Variants in DYNC2LI1 observed in about 807,000 individuals in gnomAD.
DYNC2LI1 encodes dynein cytoplasmic 2 light intermediate chain 1.
Under a neutral mutation model 51.9 loss-of-function variants are expected in DYNC2LI1, and 45 were observed. The ratio of observed to expected loss-of-function variants is 0.87; its 90% CI spans 0.68 to 1.11. The LOEUF is 1.11. DYNC2LI1 is among the 50% of genes most tolerant of loss of function. DYNC2LI1 has a pLI of 0.00. For missense variants in DYNC2LI1, 490 were observed against 417.4 expected (o/e 1.17, Z -1.51); for synonymous variants, 130 against 137.8 (o/e 0.94, Z 0.40).
At chr2:43,813,595 C>G (rs563519234), downstream of DYNC2LI1, among the ~76,000 whole-genome samples, 1 of 147,952 alleles carries the variant, frequency 6.8e-6, no homozygotes, top group South Asian at 2.2e-4. Flanking sequence ...GACATTATCA[C>G]TTAAAATTAT....
At chr2:43,783,335 G>A (rs557429046) in intron 2 of DYNC2LI1, among the ~76,000 whole-genome samples, 185 bp from the exon 3 acceptor site, 1 of 152,136 alleles carries the variant, frequency 6.6e-6, no homozygotes, top group Non-Finnish European at 1.5e-5. Flanking sequence ...GTGATGGAAA[G>A]TTGACAGTTA....
chr2:43,827,863 G>A, the DYNC2LI1 span: 1 of 1,478,496 alleles, frequency 6.8e-7, no homozygotes, highest in Non-Finnish European at 9.1e-7. Context: ...AAAAACCTGT[G>A]ATTTCAGTTG....
chr2:43,787,402 G>T, intron 4 of DYNC2LI1, 152 bp downstream of exon 4: 1 of 616,128 alleles, frequency 1.6e-6, no homozygotes, highest in Non-Finnish European at 2.7e-6. Flanking sequence ...AATGCAGTGT[G>T]GCAGATAGAA....
At chr2:43,776,438 A>G (rs1357005145) in intron 1 of DYNC2LI1, among the ~76,000 whole-genome samples, 1 of 152,186 alleles carries the variant, frequency 6.6e-6, no homozygotes, top group Non-Finnish European at 1.5e-5. Flanking sequence ...GTGGTTTTCA[A>G]GTTGTACATT....
chr2:43,797,180 G>C (rs1486378453), intron 8 of DYNC2LI1, among the ~76,000 whole-genome samples: 4 of 152,160 alleles, frequency 2.6e-5, no homozygotes, highest in Admixed American at 1.3e-4. Flanking sequence ...CTTTAAAAAA[G>C]TGCTGTTTGT....
chr2:43,789,678 T>A lies in DYNC2LI1; in HGVS notation c.277T>A (p.Leu93Ile). The A allele has an allele frequency of 6.2e-7, 1 of 1,613,868 alleles. No homozygotes were observed. The highest frequency in any genetic ancestry group is 8.5e-7 in the Non-Finnish European group (1 of 1,179,906). Residue 93 changes from leucine (L) to isoleucine (I), a missense_variant, in exon 5 of 13, where the codon TTA (leucine) becomes ATA (isoleucine). Physicochemically the swap from Leu to Ile is conservative, Grantham distance 5 (BLOSUM62 2). Transcript: ENST00000260605. ...HFWELGGGTS[L>I]LDLISIPITG... Reference sequence around the variant, plus strand: ...TTGGGAACTCGGTGGAGGAACCTCTTTATTGGACTTAATCAGCATACCCAT... The same window carrying A: ...TTGGGAACTCGGTGGAGGAACCTCTATATTGGACTTAATCAGCATACCCAT...
downstream of DYNC2LI1, chr2:43,812,896 TA>T (rs139045335): frequency 2.0e-3 from 1,102 of 558,248 alleles, 9 homozygotes; most frequent in African/African-American, 0.019. Flanking sequence ...AATTTCCAAA[TA>T]ACCACATGTC....
In DYNC2LI1 at chr2:43,794,643, T is replaced by C; in HGVS notation, c.507T>C (p.Pro169=). The C allele has an allele frequency of 6.2e-7, 1 of 1,614,072 alleles. No individual in the cohort carries two copies. Among genetic ancestry groups the C allele is most frequent in the Non-Finnish European group, 8.5e-7 (1 of 1,179,960 alleles). The change falls in exon 6 of 13, where the codon CCT becomes CCC. Residue 169 remains proline (P), a splice_region_variant and synonymous_variant. Coordinates refer to ENST00000260605, the MANE Select transcript of DYNC2LI1 (RefSeq NM_016008.4). ...GGAATAATATGCCGAAGGATCATCCTGTGAGTTGCTGTTTGGGATTATTAC... is the reference window on the plus strand; with the variant it reads ...GGAATAATATGCCGAAGGATCATCCCGTGAGTTGCTGTTTGGGATTATTAC... The part of the protein sequence containing the change: ...KIWNNMPKDH[P]DHELIDPFPV...
rs1295166026 is a variant in DYNC2LI1, at chr2:43,774,207, G to T, written c.8+61G>T. The T allele has an allele frequency of 2.5e-6, 4 of 1,604,298 alleles. No individual in the cohort carries two copies. The South Asian group carries it at 3.4e-5, about 13-fold the overall frequency. On this transcript the variant is annotated intron_variant, in intron 1 of 12. Coordinates refer to ENST00000260605, the MANE Select transcript of DYNC2LI1 (RefSeq NM_016008.4). The stretch of plus-strand genomic sequence containing the variant: ...CTGAGAGTATTCCTGGAGAGAGGAA[G>T]CCCAGGCGGGACCAGCTGTTGGAAG...
Position 43,783,555 on chromosome 2 carries a change from G to A in DYNC2LI1, c.161+1G>A. On this transcript the variant is annotated splice_donor_variant, in intron 3 of 12. Coordinates refer to ENST00000260605, the MANE Select transcript of DYNC2LI1 (RefSeq NM_016008.4). LOFTEE classifies it high-confidence loss of function. ...CTATTATTCTAAGGTGTCTTGACAG[G>A]TAAGTGTTATGTTAACCTTTAAACT... 6.5e-7 allele frequency: 1 copy of A among 1,528,574 alleles called. No homozygotes were observed. The highest frequency in any genetic ancestry group is 8.8e-7 in the Non-Finnish European group (1 of 1,142,016). 94.7% of individuals were successfully genotyped at this position (1,528,574 alleles called of 1,614,324 possible).
At chr2:43,818,897 T>C in the DYNC2LI1 span, among the ~76,000 whole-genome samples, 1 of 152,184 alleles carries the variant, frequency 6.6e-6, no homozygotes, top group African/African-American at 2.4e-5. Flanking sequence ...ATGAGGAAAC[T>C]AATTTAGATA....
At chr2:43,774,634 C>G (rs766785073) in intron 1 of DYNC2LI1, among the ~76,000 whole-genome samples, 1 of 152,208 alleles carries the variant, frequency 6.6e-6, no homozygotes, top group Admixed American at 6.5e-5. Flanking sequence ...ATTTTAATTA[C>G]CTGTTCACAA....
intron 2 of DYNC2LI1, among the ~76,000 whole-genome samples, chr2:43,780,732 C>T (rs1673237037): frequency 6.6e-6 from 1 of 151,854 alleles, no homozygotes; most frequent in Non-Finnish European, 1.5e-5. Flanking sequence ...GATTATTGGG[C>T]CAGATTAAGG....
intron 12 of DYNC2LI1, chr2:43,805,511 T>C (rs577204369): frequency 4.8e-6 from 1 of 206,242 alleles, no homozygotes; most frequent in South Asian, 1.3e-4. Flanking sequence ...TAAACCTTTT[T>C]GATTTTCCAG....
downstream of DYNC2LI1, among the ~76,000 whole-genome samples, chr2:43,814,024 A>T (rs1276099564): frequency 2.0e-5 from 3 of 151,928 alleles, no homozygotes; most frequent in East Asian, 5.8e-4. Flanking sequence ...CCACCCTGAG[A>T]TTTCTAATGG....
intron 2 of DYNC2LI1, among the ~76,000 whole-genome samples, chr2:43,778,313 C>A (rs1673116360): frequency 1.3e-5 from 2 of 151,940 alleles, no homozygotes; most frequent in Admixed American, 1.3e-4. Context: ...CCACCACACC[C>A]GGCTAATTTT....
chr2:43,801,820 T>G, intron 10 of DYNC2LI1, 111 bp downstream of exon 10: 1 of 720,858 alleles, frequency 1.4e-6, no homozygotes, highest in Non-Finnish European at 2.3e-6. Flanking sequence ...TTCATTATCA[T>G]TGCTGTTATT....
chr2:43,787,721 A>G (rs925763288), intron 4 of DYNC2LI1, among the ~76,000 whole-genome samples: 1 of 152,192 alleles, frequency 6.6e-6, no homozygotes, highest in Non-Finnish European at 1.5e-5. Context: ...GAGGAACATG[A>G]TAAACTCTTC....
At chr2:43,824,020 C>T in the DYNC2LI1 span, 15 of 1,614,034 alleles carry the variant, frequency 9.3e-6, no homozygotes, top group Admixed American at 3.3e-5. Context: ...GCTTCGGACC[C>T]GCAGAACGAA....
Sources: gnomAD v4.1 joint callset for allele counts (sites outside exome capture counted in the v4.1 genomes callset) on GRCh38, gnomAD v4.1.1 for gene constraint, MANE v1.5 for transcripts, NCBI Gene and HGNC (gene_info 2026-07-23, HGNC 2026-07-21) for gene names.